Variants in GABRG3 observed in about 807,000 individuals in gnomAD.
The protein encoded by GABRG3 is gamma-aminobutyric acid receptor subunit gamma-3.
In GABRG3, 25 loss-of-function variants were observed where a neutral mutation model predicts 48.8. That is an observed-to-expected ratio of 0.51 (90% confidence interval 0.37 to 0.72). GABRG3 has a LOEUF of 0.72. Ranked by LOEUF, GABRG3 falls within the 30% of genes least tolerant of loss-of-function variation. The pLI is 0.00. For synonymous variants in GABRG3, 227 were observed against 217.6 expected (o/e 1.04, Z -0.38); for missense variants, 394 against 577.9 (o/e 0.68, Z 3.26).
intron 5 of GABRG3, among the ~76,000 whole-genome samples, chr15:27,474,716 T>C (rs1889883599): frequency 6.6e-6 from 1 of 152,248 alleles, no homozygotes; most frequent in Admixed American, 6.5e-5. Flanking sequence ...AGACAGGCTG[T>C]ATTTTAAATG....
At chr15:27,517,781 G>C (rs557692204) in intron 6 of GABRG3, among the ~76,000 whole-genome samples, 1 of 152,164 alleles carries the variant, frequency 6.6e-6, no homozygotes, top group Non-Finnish European at 1.5e-5. Flanking sequence ...CATTTCCTTA[G>C]GAAATGATGT....
chr15:27,117,535 T>C (rs939854194), intron 3 of GABRG3, among the ~76,000 whole-genome samples: 3 of 152,110 alleles, frequency 2.0e-5, no homozygotes, highest in Non-Finnish European at 4.4e-5. Flanking sequence ...TTGAAACAAA[T>C]AAAATATGTT....
intron 3 of GABRG3, among the ~76,000 whole-genome samples, chr15:27,198,690 T>C (rs1888585750): frequency 6.6e-6 from 1 of 152,196 alleles, no homozygotes; most frequent in African/African-American, 2.4e-5. Context: ...TAAAGATACA[T>C]GCACATGTAT....
chr15:27,259,312 C>T (rs1409947423), intron 3 of GABRG3, among the ~76,000 whole-genome samples: 1 of 152,142 alleles, frequency 6.6e-6, no homozygotes, highest in East Asian at 1.9e-4. Context: ...TTCCTGACAT[C>T]TGCCACTCAC....
At chr15:27,098,781 A>G (rs985715348) in intron 3 of GABRG3, among the ~76,000 whole-genome samples, 12 of 152,046 alleles carry the variant, frequency 7.9e-5, no homozygotes, top group African/African-American at 2.9e-4. Flanking sequence ...CAGAAACATA[A>G]AAACCCTCAA....
rs532093699 is a variant in GABRG3 at position 27,179,167 on chromosome 15, A to C, written c.271-147642A>C. Among the ~76,000 whole-genome samples, 326 of 152,282 alleles carry C rather than the reference A, an allele frequency of 2.1e-3. 2 individuals are homozygous for C. Among genetic ancestry groups the C allele is most frequent in the Non-Finnish European group, 3.9e-3 (264 of 68,026 alleles). On this transcript the variant is annotated intron_variant, in intron 3 of 9. Coordinates refer to ENST00000615808, the MANE Select transcript of GABRG3 (RefSeq NM_033223.5). The surrounding 1 kb of genome is among the most constrained non-coding windows in gnomAD (Gnocchi z 4.0). ...AGCTTACAAGTCAGAAATTATGAAA[A>C]TCCTCTTCAGAAATTCTAATCAATG...
chr15:27,237,720 TGCACCCAC>T (rs1890017096), intron 3 of GABRG3, among the ~76,000 whole-genome samples: 1 of 152,226 alleles, frequency 6.6e-6, no homozygotes, highest in Non-Finnish European at 1.5e-5. Flanking sequence ...TCCTGCCAGC[TGCACCCAC>T]AACATAAAGC....
intron 3 of GABRG3, among the ~76,000 whole-genome samples, chr15:27,252,416 A>G (rs182102044): frequency 6.6e-6 from 1 of 152,076 alleles, no homozygotes; most frequent in African/African-American, 2.4e-5. Flanking sequence ...GGCTGTGTGG[A>G]TGCCATGCCA....
chr15:27,482,693 G>A (rs943315414), intron 6 of GABRG3, among the ~76,000 whole-genome samples: 2 of 152,156 alleles, frequency 1.3e-5, no homozygotes, highest in African/African-American at 2.4e-5. Flanking sequence ...CTCACAAGTC[G>A]TTGTAAAGTT....
chr15:27,367,924 G>T (rs1184698116), intron 5 of GABRG3, among the ~76,000 whole-genome samples: 1 of 152,052 alleles, frequency 6.6e-6, no homozygotes, highest in Non-Finnish European at 1.5e-5. Context: ...AGGGCCCAGG[G>T]GAGTTGTAGG....
chr15:27,132,533 T>G (rs554715454), intron 3 of GABRG3, among the ~76,000 whole-genome samples: 38 of 141,658 alleles, frequency 2.7e-4, no homozygotes, highest in Non-Finnish European at 5.7e-4. Flanking sequence ...CTGATTCAAC[T>G]TTGAAAGGTT....
chr15:27,406,362 A>C (rs1440686687), intron 5 of GABRG3, among the ~76,000 whole-genome samples: 1 of 152,142 alleles, frequency 6.6e-6, no homozygotes, highest in African/African-American at 2.4e-5. Context: ...TAAGACTAGA[A>C]TATGAAAGGG....
At chr15:27,435,996 G>A (rs534215520) in intron 5 of GABRG3, among the ~76,000 whole-genome samples, 80 of 152,298 alleles carry the variant, frequency 5.3e-4, no homozygotes, top group African/African-American at 6.7e-4. Context: ...AGCATAGTGC[G>A]GTAGAGATGG....
chr15:27,450,431 T>TA (rs1041437840), intron 5 of GABRG3, among the ~76,000 whole-genome samples: 37 of 152,238 alleles, frequency 2.4e-4, no homozygotes, highest in African/African-American at 8.9e-4. Context: ...ATCCACATGA[T>TA]ACATCACATT....
intron 3 of GABRG3, among the ~76,000 whole-genome samples, chr15:27,155,574 A>C (rs1898403718): frequency 6.6e-6 from 1 of 152,078 alleles, no homozygotes; most frequent in African/African-American, 2.4e-5. Context: ...CTGCAACAGC[A>C]CTCTGGTGGA....
At chr15:27,436,993 AATAGAGAG>A (rs1235824485) in intron 5 of GABRG3, among the ~76,000 whole-genome samples, 96 of 76,274 alleles carry the variant, frequency 1.3e-3, no homozygotes, top group African/African-American at 5.9e-3. Flanking sequence ...TTCTCCGAAA[AATAGAGAG>A]AGAGAGAGAG....
intron 3 of GABRG3, among the ~76,000 whole-genome samples, chr15:27,312,945 C>T (rs1273417079): frequency 6.7e-6 from 1 of 150,122 alleles, no homozygotes; most frequent in Non-Finnish European, 1.5e-5. Context: ...TAAAATATAA[C>T]TAAAAATGTG....
intron 3 of GABRG3, among the ~76,000 whole-genome samples, chr15:27,313,299 T>C (rs1186086115): frequency 9.3e-6 from 1 of 107,058 alleles, no homozygotes; most frequent in Non-Finnish European, 1.8e-5. Flanking sequence ...TATATATATA[T>C]ATATATATAT....
At chr15:27,417,484 G>A (rs72705754) in intron 5 of GABRG3, among the ~76,000 whole-genome samples, 3,356 of 152,164 alleles carry the variant, frequency 0.022, 55 homozygotes, top group Middle Eastern at 0.031. Flanking sequence ...CTGCTAGCAG[G>A]TCATGTTTTC....
Sources: allele counts gnomAD v4.1 joint callset (sites outside exome capture counted in the v4.1 genomes callset), GRCh38; gene constraint gnomAD v4.1.1; non-coding constraint Gnocchi (gnomAD v3.1); transcripts MANE v1.5; gene names NCBI Gene and HGNC (gene_info 2026-07-23, HGNC 2026-07-21).